Variants in CCDC73 observed in about 807,000 individuals in gnomAD.
CCDC73 encodes the protein coiled-coil domain containing 73.
In CCDC73, 95 loss-of-function variants were observed where a neutral mutation model predicts 116.5. That is an observed-to-expected ratio of 0.82 (90% confidence interval 0.69 to 0.97). The LOEUF is 0.97. Ranked by LOEUF, CCDC73 falls within the 50% of genes least tolerant of loss-of-function variation. The probability of loss-of-function intolerance (pLI) is 0.00; values close to 1 mark genes in which losing one functional copy is unlikely to be tolerated. For missense variants in CCDC73, 1,066 were observed against 1,206.8 expected (o/e 0.88, Z 1.73); for synonymous variants, 398 against 401.3 (o/e 0.99, Z 0.10).
intron 13 of CCDC73, among the ~76,000 whole-genome samples, chr11:32,639,421 GC>G (rs1855712517): frequency 2.0e-5 from 3 of 151,832 alleles, no homozygotes; most frequent in African/African-American, 7.3e-5. Context: ...CATAGTATAT[GC>G]TCAATAAGTG....
intron 2 of CCDC73, among the ~76,000 whole-genome samples, chr11:32,757,162 A>G (rs1438442889): frequency 1.3e-5 from 2 of 152,114 alleles, no homozygotes; most frequent in Non-Finnish European, 2.9e-5. Context: ...TCTCAAAAAT[A>G]CTACACTGAG....
intron 3 of CCDC73, among the ~76,000 whole-genome samples, chr11:32,708,905 CT>C (rs138088123): frequency 0.074 from 11,265 of 152,154 alleles, 471 homozygotes; most frequent in South Asian, 0.11. Flanking sequence ...CCCTTTCTTT[CT>C]TTTGTCTGAT....
At chr11:32,740,871 G>T (rs1230281309) in intron 2 of CCDC73, among the ~76,000 whole-genome samples, 1 of 151,742 alleles carries the variant, frequency 6.6e-6, no homozygotes. Flanking sequence ...GGTATGTTGT[G>T]TTTCCATTAT....
chr11:32,662,371 G>A (rs973091915), intron 9 of CCDC73, among the ~76,000 whole-genome samples: 2 of 152,068 alleles, frequency 1.3e-5, no homozygotes, highest in South Asian at 2.1e-4. Flanking sequence ...TTTAATGATC[G>A]CCATTCTAAC....
In CCDC73 at chr11:32,613,876, A is replaced by G. The variant is rs774523752; in HGVS notation, c.2442T>C (p.Asp814=). 10 of 1,613,408 alleles carry G rather than the reference A, an allele frequency of 6.2e-6. No homozygotes were observed. In the South Asian group the frequency reaches 8.8e-5, roughly 14 times the overall value. The change falls in exon 16 of 18, where the codon GAT becomes GAC. Residue 814 remains aspartate, a synonymous_variant. Transcript: ENST00000335185. ...TTGTGGCTTCAGTTACCTGATTCTCATCAATCTGATTCTTTTTATTGGAAA... is the reference window on the plus strand; with the variant it reads ...TTGTGGCTTCAGTTACCTGATTCTCGTCAATCTGATTCTTTTTATTGGAAA... ...TEFSNKKNQI[D]ENQVTEATKN...
At chr11:32,608,486 C>T (rs1855382996) in intron 17 of CCDC73, among the ~76,000 whole-genome samples, 1 of 152,212 alleles carries the variant, frequency 6.6e-6, no homozygotes, top group African/African-American at 2.4e-5. Context: ...GGCAGCTCCA[C>T]ACCCCTGTGG....
At chr11:32,792,312 A>G (rs1346881274) in intron 1 of CCDC73, among the ~76,000 whole-genome samples, 2 of 152,164 alleles carry the variant, frequency 1.3e-5, no homozygotes, top group Non-Finnish European at 2.9e-5. Flanking sequence ...AATAAAAAAC[A>G]TAAGTGTACA....
intron 2 of CCDC73, among the ~76,000 whole-genome samples, chr11:32,745,634 G>A (rs1850229132): frequency 1.3e-5 from 2 of 151,980 alleles, no homozygotes; most frequent in Admixed American, 6.6e-5. Flanking sequence ...TTGTTGAATT[G>A]ATCCCTTTAC....
At chr11:32,730,453 G>C (rs1325002353) in intron 2 of CCDC73, among the ~76,000 whole-genome samples, 2 of 152,164 alleles carry the variant, frequency 1.3e-5, no homozygotes, top group African/African-American at 4.8e-5. Flanking sequence ...TAGGTTGGTA[G>C]TTATTCTTTT....
chr11:32,673,740 A>G (rs1250523999), intron 9 of CCDC73, among the ~76,000 whole-genome samples: 1 of 152,190 alleles, frequency 6.6e-6, no homozygotes, highest in Non-Finnish European at 1.5e-5. Flanking sequence ...ACAGATGGCA[A>G]ACATCAACTA....
At chr11:32,671,165 T>C (rs1450876425) in intron 9 of CCDC73, among the ~76,000 whole-genome samples, 2 of 152,144 alleles carry the variant, frequency 1.3e-5, no homozygotes, top group East Asian at 1.9e-4. Context: ...CAGTCATAAA[T>C]ATTGCGCTCT....
chr11:32,637,548 CT>C (rs1199767457), intron 13 of CCDC73, among the ~76,000 whole-genome samples: 1 of 151,906 alleles, frequency 6.6e-6, no homozygotes, highest in African/African-American at 2.4e-5. Context: ...CTAGTACTCT[CT>C]CTTTATCCTC....
At chr11:32,721,295 G>A (rs1590612536) in intron 2 of CCDC73, among the ~76,000 whole-genome samples, 1 of 152,104 alleles carries the variant, frequency 6.6e-6, no homozygotes, top group African/African-American at 2.4e-5. Flanking sequence ...AAAGTGCTGC[G>A]ATTACAGGAA....
chr11:32,741,544 T>A (rs1461080396), intron 2 of CCDC73, among the ~76,000 whole-genome samples: 3 of 152,094 alleles, frequency 2.0e-5, no homozygotes, highest in Non-Finnish European at 2.9e-5. Context: ...ATCTTTTTCA[T>A]CCCTTTATTT....
intron 12 of CCDC73, among the ~76,000 whole-genome samples, chr11:32,651,194 T>A (rs867654000): frequency 6.6e-6 from 1 of 152,054 alleles, no homozygotes; most frequent in South Asian, 2.1e-4. Flanking sequence ...CCCCAACCCA[T>A]GGCAAATGGG....
chr11:32,704,129 C>G (rs1565080325), intron 3 of CCDC73, among the ~76,000 whole-genome samples: 1 of 152,168 alleles, frequency 6.6e-6, no homozygotes, highest in African/African-American at 2.4e-5. Flanking sequence ...AGCCCTGTGC[C>G]CTACTAAGTT....
intron 9 of CCDC73, among the ~76,000 whole-genome samples, chr11:32,667,290 T>C (rs1855993639): frequency 6.6e-6 from 1 of 152,234 alleles, no homozygotes; most frequent in South Asian, 2.1e-4. Context: ...GCAGGCCTCC[T>C]TGAGCTGTGG....
upstream of CCDC73, among the ~76,000 whole-genome samples, chr11:32,798,799 T>C (rs532854203): frequency 8.5e-5 from 13 of 152,250 alleles, no homozygotes; most frequent in East Asian, 1.5e-3. Flanking sequence ...GTCCCCATTT[T>C]CCCCTCTTAG....
chr11:32,828,425 G>T, the CCDC73 span, among the ~76,000 whole-genome samples: 9 of 151,338 alleles, frequency 5.9e-5, no homozygotes, highest in Non-Finnish European at 5.9e-5. Context: ...CAGGAGAATC[G>T]CTTGAACCCA....
Sources: gnomAD v4.1 joint callset for allele counts (sites outside exome capture counted in the v4.1 genomes callset) on GRCh38, gnomAD v4.1.1 for gene constraint, MANE v1.5 for transcripts, NCBI Gene and HGNC (gene_info 2026-07-23, HGNC 2026-07-21) for gene names.